Variants in CEP63 observed in about 807,000 individuals in gnomAD.
The protein encoded by CEP63 is centrosomal protein of 63 kDa.
CEP63 carries 84 observed loss-of-function variants against 89.1 expected under a neutral mutation model. That is an observed-to-expected ratio of 0.94 (90% CI 0.79 to 1.13). The LOEUF is 1.13. Among genes scored for constraint, CEP63 ranks in the 50% most tolerant of loss-of-function variants. CEP63 has a pLI of 0.00. For synonymous variants in CEP63, 267 were observed against 272.5 expected, an observed-to-expected ratio of 0.98 and a Z score of 0.20; for missense variants, 838 against 813.3, an observed-to-expected ratio of 1.03 and a Z score of -0.37.
At chr3:134,726,503 C>G in the CEP63 span, among the ~76,000 whole-genome samples, 7 of 151,574 alleles carry the variant, frequency 4.6e-5, no homozygotes, top group African/African-American at 1.5e-4. Context: ...CACACACACA[C>G]ACAGAGCAAG....
chr3:134,769,971 G>T, the CEP63 span, among the ~76,000 whole-genome samples: 13 of 152,250 alleles, frequency 8.5e-5, no homozygotes, highest in Non-Finnish European at 1.6e-4. Context: ...GCCAGCTCCT[G>T]TATCATGCCC....
the CEP63 span, among the ~76,000 whole-genome samples, chr3:134,624,164 G>A: frequency 1.3e-5 from 2 of 152,100 alleles, no homozygotes; most frequent in Non-Finnish European, 2.9e-5. Context: ...AGCTATCTGG[G>A]AGCCCCTCTC....
At chr3:134,718,516 A>G in the CEP63 span, among the ~76,000 whole-genome samples, 1 of 152,204 alleles carries the variant, frequency 6.6e-6, no homozygotes, top group African/African-American at 2.4e-5. Context: ...TGACTTCTCT[A>G]CAACCTAACC....
chr3:134,487,671 C>T (rs561127603), intron 1 of CEP63, among the ~76,000 whole-genome samples: 1 of 152,298 alleles, frequency 6.6e-6, no homozygotes, highest in South Asian at 2.1e-4. Context: ...CGCCTCCCCG[C>T]CCCCATCAGG....
At chr3:134,536,577 A>T (rs957057202) in intron 5 of CEP63, 7 of 158,004 alleles carry the variant, frequency 4.4e-5, no homozygotes, top group Admixed American at 6.0e-5. Flanking sequence ...TTTGGTACAG[A>T]TTTTCTTTGT....
downstream of CEP63, among the ~76,000 whole-genome samples, chr3:134,577,709 C>T (rs146055708): frequency 3.4e-3 from 519 of 152,006 alleles, 1 homozygote; most frequent in African/African-American, 0.011. Context: ...ACCTGTCAAC[C>T]CATCATCTAG....
At chr3:134,606,466 C>A in the CEP63 span, among the ~76,000 whole-genome samples, 1 of 152,208 alleles carries the variant, frequency 6.6e-6, no homozygotes, top group Non-Finnish European at 1.5e-5. Context: ...CTGGATAAGG[C>A]TTCATGGTAA....
chr3:134,647,430 T>G, the CEP63 span: 2 of 1,603,062 alleles, frequency 1.2e-6, no homozygotes, highest in South Asian at 1.1e-5. Context: ...AAAAAGAGAA[T>G]TTACCGTGAA....
intron 1 of CEP63, 199 bp downstream of exon 1, chr3:134,486,401 G>A: frequency 2.0e-6 from 2 of 985,518 alleles, no homozygotes; most frequent in Non-Finnish European, 2.4e-6. Flanking sequence ...CGCCGGCTTG[G>A]GTCCGCCCCG....
the CEP63 span, among the ~76,000 whole-genome samples, chr3:134,728,572 A>G: frequency 6.6e-6 from 1 of 152,236 alleles, no homozygotes. Flanking sequence ...TACAGGGGAC[A>G]CAAAGATGAA....
At chr3:134,766,288 G>T in the CEP63 span, among the ~76,000 whole-genome samples, 1 of 152,264 alleles carries the variant, frequency 6.6e-6, no homozygotes, top group African/African-American at 2.4e-5. Context: ...CCAGGATTCA[G>T]CAGTCTCTGT....
At chr3:134,684,474 C>G in the CEP63 span, among the ~76,000 whole-genome samples, 1 of 152,328 alleles carries the variant, frequency 6.6e-6, no homozygotes, top group South Asian at 2.1e-4. Context: ...CTCAAGAGAA[C>G]CTTTCTCATT....
chr3:134,627,874 GCACTGAT>G, the CEP63 span: 1 of 1,379,260 alleles, frequency 7.3e-7, no homozygotes, highest in Non-Finnish European at 1.0e-6. Context: ...AGAAATGCAA[GCACTGAT>G]GACTCACCTT....
the CEP63 span, among the ~76,000 whole-genome samples, chr3:134,652,515 A>G: frequency 2.4e-5 from 3 of 125,976 alleles, no homozygotes; most frequent in African/African-American, 9.2e-5. Flanking sequence ...GTTGGCTTCC[A>G]GTAATGTTGA....
At chr3:134,713,185 G>A in the CEP63 span, among the ~76,000 whole-genome samples, 21 of 152,318 alleles carry the variant, frequency 1.4e-4, no homozygotes, top group Middle Eastern at 3.4e-3. Context: ...ACAGGACTTG[G>A]AGCAGCCATT....
chr3:134,550,132 TC>T lies in CEP63; in HGVS notation c.1255del (p.His419IlefsTer2). ...SALEGMKMEISHLTQELHQRD... is the reference protein window; with the variant it reads ...SALEGMKMEIXHLTQELHQRD... ...ACTAGAAGGAATGAAGATGGAAATC[TC>T]CCATCTAACTCAGGAGTTACATCAG... On this transcript the variant is annotated frameshift_variant, in exon 11 of 15. Transcript: ENST00000675561. LOFTEE classifies it high-confidence loss of function. 1 of 1,613,926 alleles carries T rather than the reference TC, an allele frequency of 6.2e-7. No homozygotes were observed. Among genetic ancestry groups the T allele is most frequent in the Non-Finnish European group, 8.5e-7 (1 of 1,179,806 alleles).
At chr3:134,535,691 T>C (rs1434031961) in intron 5 of CEP63, 1 of 152,170 alleles carries the variant, frequency 6.6e-6, no homozygotes, top group African/African-American at 2.4e-5. Flanking sequence ...AAACTTAACA[T>C]GTCCAAGCTA....
At chr3:134,687,321 GA>G in the CEP63 span, among the ~76,000 whole-genome samples, 3 of 152,210 alleles carry the variant, frequency 2.0e-5, no homozygotes, top group African/African-American at 7.2e-5. Flanking sequence ...AACTTTATGT[GA>G]TTCTCTGGAA....
At chr3:134,717,970 C>G in the CEP63 span, among the ~76,000 whole-genome samples, 6 of 152,132 alleles carry the variant, frequency 3.9e-5, no homozygotes, top group African/African-American at 1.4e-4. Flanking sequence ...GCTTTACTGA[C>G]AAGTTTCTAT....
Sources: allele counts gnomAD v4.1 joint callset (sites outside exome capture counted in the v4.1 genomes callset), GRCh38; gene constraint gnomAD v4.1.1; transcripts MANE v1.5; gene names NCBI Gene and HGNC (gene_info 2026-07-23, HGNC 2026-07-21).